Variants in COPG1 observed in about 807,000 individuals in gnomAD.
The protein encoded by COPG1 is coatomer subunit gamma-1.
Under a neutral mutation model 102.8 loss-of-function variants are expected in COPG1, and 29 were observed. The ratio of observed to expected loss-of-function variants is 0.28; its 90% CI spans 0.21 to 0.38. The LOEUF (loss-of-function observed/expected upper bound fraction) is 0.38. Ranked by LOEUF, COPG1 falls within the 10% of genes least tolerant of loss-of-function variation. The pLI is 1.00. For missense variants in COPG1, 875 were observed against 1,132.7 expected (o/e 0.77, Z 3.27); for synonymous variants, 406 against 421.6 (o/e 0.96, Z 0.45).
chr3:129,261,749 G>T (rs1939930083), intron 12 of COPG1, among the ~76,000 whole-genome samples: 1 of 152,126 alleles, frequency 6.6e-6, no homozygotes, highest in African/African-American at 2.4e-5. Flanking sequence ...GTGTATATAT[G>T]TGAAGTTCTA....
chr3:129,271,162 G>T lies in COPG1; in HGVS notation c.1844-605G>T, dbSNP rs1940174766. On this transcript the variant is annotated intron_variant, in intron 18 of 23. Transcript: ENST00000314797. This position sits in a 1 kb window ranked among gnomAD's most constrained non-coding sequence, Gnocchi z 4.7. ...CCCTTTAGTTTGCAAGGAATGCCAGGACCAGCCAGGGTGGGGTCCCATGGG... is the reference window on the plus strand; with the variant it reads ...CCCTTTAGTTTGCAAGGAATGCCAGTACCAGCCAGGGTGGGGTCCCATGGG... Among the ~76,000 whole-genome samples the T allele has an allele frequency of 6.6e-6, 1 of 152,198 alleles. No individual in the cohort carries two copies. The highest frequency in any genetic ancestry group is 2.4e-5 in the African/African-American group (1 of 41,442).
At chr3:129,264,982 C>T (rs577392143) in intron 13 of COPG1, among the ~76,000 whole-genome samples, 174 of 151,910 alleles carry the variant, frequency 1.1e-3, no homozygotes, top group Non-Finnish European at 1.9e-3. Context: ...CCACCACGCC[C>T]GGCTAATTTT....
chr3:129,268,089 G>A (rs757691133), intron 16 of COPG1, 49 bp downstream of exon 16: 5 of 1,475,060 alleles, frequency 3.4e-6, no homozygotes, highest in Non-Finnish European at 4.7e-6. Flanking sequence ...CTGGAGCTGT[G>A]GTTCTCATCA....
intron 2 of COPG1, among the ~76,000 whole-genome samples, chr3:129,251,985 G>A (rs113431209): frequency 0.013 from 1,914 of 152,246 alleles, 31 homozygotes; most frequent in African/African-American, 0.043. Context: ...GCGTCCAGCC[G>A]CTTCTTTCTT....
At chr3:129,269,697 C>T (rs1426027364) in intron 18 of COPG1, among the ~76,000 whole-genome samples, 1 of 152,126 alleles carries the variant, frequency 6.6e-6, no homozygotes, top group African/African-American at 2.4e-5. Flanking sequence ...TTCCCCATTA[C>T]ACTCAGAATC....
chr3:129,277,198 A>G, intron 23 of COPG1, 96 bp from the exon 24 acceptor site: 1 of 1,286,822 alleles, frequency 7.8e-7, no homozygotes. Flanking sequence ...TCACTACACC[A>G]GAGCTGCCTT....
chr3:129,249,961 G>T (rs1012992146), intron 1 of COPG1, among the ~76,000 whole-genome samples: 1 of 134,788 alleles, frequency 7.4e-6, no homozygotes, highest in African/African-American at 3.4e-5. Context: ...GGTGACCTTG[G>T]GCGCGACAAA....
intron 21 of COPG1, among the ~76,000 whole-genome samples, chr3:129,273,185 C>G (rs1213323208): frequency 6.6e-6 from 1 of 151,976 alleles, no homozygotes; most frequent in Non-Finnish European, 1.5e-5. Flanking sequence ...ACCATGCCTG[C>G]CAAATTTTTT....
chr3:129,264,889 T>G (rs1940018270), intron 13 of COPG1, among the ~76,000 whole-genome samples: 1 of 151,374 alleles, frequency 6.6e-6, no homozygotes, highest in African/African-American at 2.4e-5. Context: ...TGGTGAGGTC[T>G]TGGCTCACTG....
chr3:129,256,116 G>C lies in COPG1; in HGVS notation c.541G>C (p.Ala181Pro), dbSNP rs1475030756. The change falls in exon 8 of 24, where the codon GCT (alanine) becomes CCT (proline). Residue 181 changes from alanine (A) to proline (P), a missense_variant. Coordinates refer to ENST00000314797, the MANE Select transcript of COPG1 (RefSeq NM_016128.4). Reference sequence around the variant, plus strand: ...CGTGGTCAAGCGCTGGGTGAATGAGGCTCAGGAGGCAGCATCCAGTGATAA... The same window carrying C: ...CGTGGTCAAGCGCTGGGTGAATGAGCCTCAGGAGGCAGCATCCAGTGATAA... ...FDVVKRWVNE[A>P]QEAASSDNIM... 6.2e-7 allele frequency: 1 copy of C among 1,613,970 alleles called. No homozygotes were observed. Among genetic ancestry groups the C allele is most frequent in the Non-Finnish European group, 8.5e-7 (1 of 1,179,918 alleles).
Position 129,250,711 on chromosome 3 carries a change from G to C in COPG1, c.67G>C (p.Glu23Gln), listed in dbSNP as rs1262669823. ...AGGCTCCAACCCATTCCAGCACCTT[G>C]AGAAGAGTGCGGTACTCCAGGAGGC... is the stretch of plus-strand genomic sequence containing the variant. ...GGGSNPFQHL[E>Q]KSAVLQEARV... is the part of the protein sequence containing the mutation. The change falls in exon 2 of 24, where the codon GAG (glutamate) becomes CAG (glutamine). Residue 23 changes from glutamate to glutamine, a missense_variant. Transcript: ENST00000314797. 1.9e-6 allele frequency: 3 copies of C among 1,613,878 alleles called. No individual in the cohort carries two copies. Among genetic ancestry groups the C allele is most frequent in the Non-Finnish European group, 2.5e-6 (3 of 1,179,982 alleles).
chr3:129,252,854 G>A, intron 4 of COPG1, 22 bp from the exon 5 acceptor site: 4 of 1,612,216 alleles, frequency 2.5e-6, no homozygotes, highest in Non-Finnish European at 2.5e-6. Flanking sequence ...GGCTGATAGG[G>A]CTTTTCCCAC....
intron 10 of COPG1, among the ~76,000 whole-genome samples, chr3:129,259,682 G>T (rs1276907566): frequency 6.6e-6 from 1 of 152,138 alleles, no homozygotes; most frequent in African/African-American, 2.4e-5. Flanking sequence ...GAAAACAGTA[G>T]TCATCTTCGC....
rs776259331 is a variant in COPG1 at position 129,257,722 on chromosome 3, T to C, written c.738-5T>C. ...GTTTTCTTGCCACCCTATGTTCTTTTGTAGCCGTGACAGCCCACTGTTTGA... is the reference window on the plus strand; with the variant it reads ...GTTTTCTTGCCACCCTATGTTCTTTCGTAGCCGTGACAGCCCACTGTTTGA... On this transcript the variant is annotated splice_polypyrimidine_tract_variant and splice_region_variant and intron_variant, in intron 9 of 23. Coordinates refer to ENST00000314797, the MANE Select transcript of COPG1 (RefSeq NM_016128.4). 1.2e-6 allele frequency: 2 copies of C among 1,613,858 alleles called. No homozygotes were observed. Among genetic ancestry groups the C allele is most frequent in the Non-Finnish European group, 1.7e-6 (2 of 1,179,724 alleles).
chr3:129,252,406 T>C, intron 3 of COPG1, 45 bp downstream of exon 3: 3 of 1,388,636 alleles, frequency 2.2e-6, no homozygotes, highest in Non-Finnish European at 2.1e-6. Flanking sequence ...TGCTGGGGGA[T>C]TGGAGGGGAG....
chr3:129,264,113 G>T (rs1940005209), intron 13 of COPG1, 114 bp downstream of exon 13: 1 of 828,398 alleles, frequency 1.2e-6, no homozygotes, highest in African/African-American at 1.7e-5. Context: ...TTAACCAACT[G>T]GTTTTCATGG....
chr3:129,277,191 C>T (rs1940289877), intron 23 of COPG1, 103 bp from the exon 24 acceptor site: 14 of 1,224,736 alleles, frequency 1.1e-5, no homozygotes, highest in Non-Finnish European at 1.7e-5. Context: ...GCCCGTTTCA[C>T]TACACCAGAG....
chr3:129,256,997 T>C (rs1022443994), intron 8 of COPG1, among the ~76,000 whole-genome samples: 1 of 152,226 alleles, frequency 6.6e-6, no homozygotes, highest in Non-Finnish European at 1.5e-5. Context: ...CCAGGAGTCT[T>C]TGGGCAAGTC....
chr3:129,265,876 G>A (rs937574566), intron 14 of COPG1, 84 bp downstream of exon 14: 1 of 1,392,298 alleles, frequency 7.2e-7, no homozygotes. Context: ...CCTCCAGTGG[G>A]GATTTGTGCA....
Sources: gnomAD v4.1 joint callset for allele counts (sites outside exome capture counted in the v4.1 genomes callset) on GRCh38, gnomAD v4.1.1 for gene constraint, Gnocchi (gnomAD v3.1) non-coding constraint, MANE v1.5 for transcripts, NCBI Gene and HGNC (gene_info 2026-07-23, HGNC 2026-07-21) for gene names.